Variants in ARHGAP15 observed in about 807,000 individuals in gnomAD.
The protein encoded by ARHGAP15 is rho GTPase-activating protein 15.
Under a neutral mutation model 63.7 loss-of-function variants are expected in ARHGAP15, and 51 were observed. The observed-to-expected ratio is 0.80, with a 90% CI of 0.64 to 1.01. The LOEUF is 1.01. Ranked by LOEUF, ARHGAP15 falls within the 50% of genes least tolerant of loss-of-function variation. ARHGAP15 has a pLI of 0.00. For synonymous variants in ARHGAP15, 191 were observed against 193.8 expected, an observed-to-expected ratio of 0.99 and a Z score of 0.12; for missense variants, 560 against 564.6, an observed-to-expected ratio of 0.99 and a Z score of 0.08.
intron 8 of ARHGAP15, among the ~76,000 whole-genome samples, chr2:143,440,616 T>C (rs1353916173): frequency 6.6e-6 from 1 of 152,224 alleles, no homozygotes. Context: ...GTTCTCTCAA[T>C]GAGTGAATTC....
At chr2:143,693,291 T>C (rs1271955951) in intron 12 of ARHGAP15, among the ~76,000 whole-genome samples, 1 of 152,252 alleles carries the variant, frequency 6.6e-6, no homozygotes, top group Non-Finnish European at 1.5e-5. Context: ...AATTTACTGT[T>C]TGCTTCACAT....
chr2:143,763,216 T>G (rs1686824458), intron 13 of ARHGAP15, among the ~76,000 whole-genome samples: 1 of 152,160 alleles, frequency 6.6e-6, no homozygotes, highest in Admixed American at 6.6e-5. Context: ...TAATATAATT[T>G]TGCAGGATAG....
chr2:143,440,696 G>A (rs952699817), intron 8 of ARHGAP15, among the ~76,000 whole-genome samples: 19 of 152,018 alleles, frequency 1.2e-4, no homozygotes, highest in Non-Finnish European at 2.2e-4. Context: ...TATTAAGAAC[G>A]AATCAGATAT....
intron 6 of ARHGAP15, among the ~76,000 whole-genome samples, chr2:143,397,316 ATGTGTGTG>A (rs71411383): frequency 1.8e-4 from 27 of 147,624 alleles, no homozygotes; most frequent in Non-Finnish European, 3.3e-4. Context: ...TGAGATATGT[ATGTGTGTG>A]TGTGTGTGTG....
intron 6 of ARHGAP15, among the ~76,000 whole-genome samples, chr2:143,350,608 A>G (rs1281601914): frequency 6.6e-6 from 1 of 151,068 alleles, no homozygotes; most frequent in Non-Finnish European, 1.5e-5. Flanking sequence ...TCACGAGGTC[A>G]GGAGATCGAG....
intron 6 of ARHGAP15, among the ~76,000 whole-genome samples, chr2:143,312,414 T>C (rs975280807): frequency 2.6e-5 from 4 of 152,152 alleles, no homozygotes; most frequent in Admixed American, 2.6e-4. Context: ...TTTGATCGTA[T>C]GTTTTCTTTA....
At chr2:143,657,154 G>A (rs1354077158) in intron 12 of ARHGAP15, among the ~76,000 whole-genome samples, 1 of 152,142 alleles carries the variant, frequency 6.6e-6, no homozygotes, top group East Asian at 1.9e-4. Context: ...AGACCATCCT[G>A]GCTAACACGG....
intron 12 of ARHGAP15, among the ~76,000 whole-genome samples, chr2:143,677,677 C>T (rs1682893726): frequency 6.6e-6 from 1 of 152,180 alleles, no homozygotes; most frequent in Non-Finnish European, 1.5e-5. Flanking sequence ...AATGGAACCA[C>T]AGACCAGGAA....
At chr2:143,374,175 G>A (rs1354375701) in intron 6 of ARHGAP15, among the ~76,000 whole-genome samples, 4 of 152,184 alleles carry the variant, frequency 2.6e-5, no homozygotes, top group South Asian at 4.2e-4. Context: ...AATAAAATCC[G>A]GTGGCTAAGA....
rs1242822096 is a variant in ARHGAP15 at position 143,343,519 on chromosome 2, A to T, written c.475-92082A>T. The stretch of plus-strand genomic sequence containing the variant: ...GAGAAATCTTTGAAGGGCTTTCTGC[A>T]GGGCAGTGGAAAGATCAGATTTGCC... On this transcript the variant is annotated intron_variant, in intron 6 of 13. Transcript: ENST00000295095. Among the ~76,000 whole-genome samples the T allele has an allele frequency of 5.9e-5, 9 of 152,238 alleles. No individual in the cohort carries two copies. The South Asian group carries it at 1.9e-3, about 32-fold the overall frequency.
chr2:143,741,446 A>G (rs1260395704), intron 13 of ARHGAP15, among the ~76,000 whole-genome samples: 2 of 152,188 alleles, frequency 1.3e-5, no homozygotes, highest in African/African-American at 4.8e-5. Context: ...TGATCCCCCC[A>G]AAAAGGTTGG....
chr2:143,393,461 C>T lies in ARHGAP15; in HGVS notation c.475-42140C>T, dbSNP rs1278116559. Among the ~76,000 whole-genome samples the T allele has an allele frequency of 3.3e-5, 5 of 152,048 alleles. No individual in the cohort carries two copies. In the East Asian group the frequency reaches 5.8e-4, roughly 18 times the overall value. On this transcript the variant is annotated intron_variant, in intron 6 of 13. Transcript: ENST00000295095. ...TAAGAAATCTAAAGTGAGCTGGGCA[C>T]GGTGGCTCATGCCTGTAATCCCACC... is the stretch of plus-strand genomic sequence containing the variant.
At chr2:143,392,310 GAA>G in intron 6 of ARHGAP15, among the ~76,000 whole-genome samples, 1 of 152,174 alleles carries the variant, frequency 6.6e-6, no homozygotes, top group African/African-American at 2.4e-5. Context: ...ATTTTAAAAA[GAA>G]ATATTATCCT....
intron 10 of ARHGAP15, among the ~76,000 whole-genome samples, chr2:143,545,331 T>C (rs1487399312): frequency 6.6e-6 from 1 of 152,074 alleles, no homozygotes; most frequent in Non-Finnish European, 1.5e-5. Flanking sequence ...CACTGAGAAA[T>C]GGTTGAATGT....
intron 12 of ARHGAP15, among the ~76,000 whole-genome samples, chr2:143,630,366 A>C (rs577716479): frequency 6.6e-6 from 1 of 152,212 alleles, no homozygotes; most frequent in Admixed American, 6.5e-5. Context: ...AATTGTATTA[A>C]GATTCTTATT....
intron 12 of ARHGAP15, among the ~76,000 whole-genome samples, chr2:143,636,024 G>A (rs1013437308): frequency 6.6e-6 from 1 of 152,016 alleles, no homozygotes; most frequent in African/African-American, 2.4e-5. Flanking sequence ...CCTAAAGCCT[G>A]AGTCCATGAT....
intron 9 of ARHGAP15, among the ~76,000 whole-genome samples, chr2:143,514,953 T>C (rs1693745109): frequency 6.6e-6 from 1 of 152,048 alleles, no homozygotes; most frequent in African/African-American, 2.4e-5. Flanking sequence ...CCGAGCCCAA[T>C]ATCAAAGAAA....
At chr2:143,147,709 T>G (rs557850772) in intron 1 of ARHGAP15, among the ~76,000 whole-genome samples, 165 of 152,150 alleles carry the variant, frequency 1.1e-3, no homozygotes, top group African/African-American at 3.8e-3. Context: ...AGTCTTTACC[T>G]TTCTTTTCAT....
chr2:143,758,053 G>C (rs929524207), intron 13 of ARHGAP15, among the ~76,000 whole-genome samples: 2 of 151,890 alleles, frequency 1.3e-5, no homozygotes, highest in African/African-American at 4.8e-5. Context: ...ATTAGAAGAA[G>C]CAACCTAAAA....
Sources: gnomAD v4.1 joint callset for allele counts (sites outside exome capture counted in the v4.1 genomes callset) on GRCh38, gnomAD v4.1.1 for gene constraint, MANE v1.5 for transcripts, NCBI Gene and HGNC (gene_info 2026-07-23, HGNC 2026-07-21) for gene names.